The following DNAJB13 variants were observed in gnomAD, a reference collection of about 807,000 sequenced individuals.
The protein encoded by DNAJB13 is DnaJ heat shock protein family (Hsp40) member B13.
In DNAJB13, 22 loss-of-function variants were observed where a neutral mutation model predicts 35.6. The ratio of observed to expected loss-of-function variants is 0.62; its 90% CI spans 0.44 to 0.88. The LOEUF (loss-of-function observed/expected upper bound fraction) is 0.88, where lower values mean the gene tolerates loss of function less well. Among genes scored for constraint, DNAJB13 ranks in the 40% least tolerant of loss-of-function variants. The pLI is 0.00. For missense variants in DNAJB13, 370 were observed against 384.3 expected, an observed-to-expected ratio of 0.96 and a Z score of 0.31; for synonymous variants, 136 against 144.2, an observed-to-expected ratio of 0.94 and a Z score of 0.41.
Position 73,970,274 on chromosome 11 carries a change from G to C in DNAJB13, c.*160G>C. ...CTGACATAATAAAGATCTATTTCCT[G>C]TCCTCCAGCTACACCCACGAGAGTA... On this transcript the variant is annotated 3_prime_UTR_variant, in exon 8 of 8. Coordinates refer to ENST00000339764, the MANE Select transcript of DNAJB13 (RefSeq NM_153614.4). The C allele has an allele frequency of 1.1e-6, 1 of 898,584 alleles. No individual in the cohort carries two copies. The highest frequency in any genetic ancestry group is 1.6e-6 in the Non-Finnish European group (1 of 637,702). 55.7% of individuals were successfully genotyped at this position (898,584 alleles called of 1,614,324 possible).
intron 3 of DNAJB13, among the ~76,000 whole-genome samples, chr11:73,961,553 C>T (rs1950932650): frequency 6.6e-6 from 1 of 152,222 alleles, no homozygotes. Context: ...GCAGAAAAAC[C>T]TAGTGTCTCC....
At chr11:73,959,470 C>T (rs1565171501) in intron 2 of DNAJB13, 24 bp from the exon 3 acceptor site, 2 of 1,610,586 alleles carry the variant, frequency 1.2e-6, no homozygotes. Flanking sequence ...TTGGACACCT[C>T]CTTAAGGTGA....
intron 5 of DNAJB13, 111 bp downstream of exon 5, chr11:73,966,362 T>G (rs2135338999): frequency 9.9e-7 from 1 of 1,012,618 alleles, no homozygotes; most frequent in African/African-American, 1.6e-5. Context: ...CTGTGAGCCT[T>G]GGTCTGTAGA....
At chr11:73,967,718 C>A (rs1410880470) in intron 5 of DNAJB13, among the ~76,000 whole-genome samples, 1 of 152,202 alleles carries the variant, frequency 6.6e-6, no homozygotes, top group African/African-American at 2.4e-5. Flanking sequence ...GCACTTCAGC[C>A]TGGGCAACAG....
intron 3 of DNAJB13, 68 bp from the exon 4 acceptor site, chr11:73,964,810 T>TGTGTGTGC (rs1554992063): frequency 3.7e-5 from 26 of 705,596 alleles, no homozygotes; most frequent in Middle Eastern, 4.3e-4. Context: ...TGTGTGTGTG[T>TGTGTGTGC]GTGCGCGCGC....
chr11:73,963,867 G>A (rs1239570776), intron 3 of DNAJB13: 3 of 152,068 alleles, frequency 2.0e-5, no homozygotes, highest in Non-Finnish European at 2.9e-5. Flanking sequence ...GCTTATGAGG[G>A]GCTTCCACAT....
At chr11:73,960,621 C>A (rs1021961871) in intron 3 of DNAJB13, among the ~76,000 whole-genome samples, 40 of 152,346 alleles carry the variant, frequency 2.6e-4, no homozygotes, top group African/African-American at 9.1e-4. Context: ...CGTGTCTGGC[C>A]GAGCCCTCCA....
chr11:73,964,974 T>C lies in DNAJB13; in HGVS notation c.431T>C (p.Leu144Pro). The stretch of plus-strand genomic sequence containing the variant: ...CAGGACCCCCAAGTCGAACGGGATC[T>C]CTACCTGTCCCTGGAGGACTTATTC... ...KKQDPQVERD[L>P]YLSLEDLFFG... The change falls in exon 4 of 8, where the codon CTC (leucine) becomes CCC (proline). Residue 144 changes from leucine (L) to proline (P), a missense_variant. Transcript: ENST00000339764. The C allele has an allele frequency of 6.2e-7, 1 of 1,612,792 alleles. No individual in the cohort carries two copies. Among genetic ancestry groups the C allele is most frequent in the South Asian group, 1.1e-5 (1 of 90,888 alleles).
In DNAJB13 at chr11:73,953,992, TAATAATAA is replaced by T. The variant is rs1486855066; in HGVS notation, c.68+2864_68+2871del. ...ACAGAGCGAGACTCTGTCTCAAAAA[TAATAATAA>T]AATAATAATAATAATAATAATAATA... On this transcript the variant is annotated intron_variant, in intron 1 of 7. Coordinates refer to ENST00000339764, the MANE Select transcript of DNAJB13 (RefSeq NM_153614.4). Among the ~76,000 whole-genome samples, 669 of 121,994 alleles carry T rather than the reference TAATAATAA, an allele frequency of 5.5e-3. 9 individuals are homozygous for T. Among genetic ancestry groups the T allele is most frequent in the African/African-American group, 0.021 (625 of 29,920 alleles). 80.0% of individuals were successfully genotyped at this position (121,994 alleles called of 152,430 possible).
At chr11:73,952,600 G>A (rs1950614365) in intron 1 of DNAJB13, among the ~76,000 whole-genome samples, 1 of 152,168 alleles carries the variant, frequency 6.6e-6, no homozygotes, top group Non-Finnish European at 1.5e-5. Flanking sequence ...AAGGATCTGA[G>A]AACAATTCAG....
At position 73,970,275 on chromosome 11, in the gene DNAJB13, T is replaced by G; in HGVS notation, c.*161T>G. 1.1e-6 allele frequency: 1 copy of G among 885,394 alleles called. No individual in the cohort carries two copies. The highest frequency in any genetic ancestry group is 1.6e-6 in the Non-Finnish European group (1 of 626,728). 54.8% of individuals were successfully genotyped at this position (885,394 alleles called of 1,614,324 possible). A position where few individuals can be genotyped will look rare whatever the true frequency, so the allele number is the denominator to read the frequency against. On this transcript the variant is annotated 3_prime_UTR_variant, in exon 8 of 8. Transcript: ENST00000339764. Reference sequence around the variant, plus strand: ...TGACATAATAAAGATCTATTTCCTGTCCTCCAGCTACACCCACGAGAGTAC... The same window carrying G: ...TGACATAATAAAGATCTATTTCCTGGCCTCCAGCTACACCCACGAGAGTAC...
intron 1 of DNAJB13, among the ~76,000 whole-genome samples, chr11:73,956,261 G>T (rs1010024480): frequency 6.6e-6 from 1 of 152,182 alleles, no homozygotes; most frequent in Non-Finnish European, 1.5e-5. Flanking sequence ...ATCAGGGAAG[G>T]TGCCCTGGAG....
At chr11:73,966,325 G>T in intron 5 of DNAJB13, 74 bp downstream of exon 5, 1 of 1,402,446 alleles carries the variant, frequency 7.1e-7, no homozygotes, top group Non-Finnish European at 9.9e-7. Flanking sequence ...GAAAGGAAGG[G>T]AAAGGAGGCA....
At chr11:73,956,035 G>C (rs1373980410) in intron 1 of DNAJB13, among the ~76,000 whole-genome samples, 1 of 152,184 alleles carries the variant, frequency 6.6e-6, no homozygotes, top group African/African-American at 2.4e-5. Flanking sequence ...ACAGTGAGAT[G>C]GACTGTCCTG....
intron 3 of DNAJB13, chr11:73,964,515 C>T (rs991306887): frequency 2.2e-5 from 6 of 270,956 alleles, no homozygotes; most frequent in African/African-American, 7.0e-5. Context: ...AGAGGGAGTG[C>T]CTCCCTTTCC....
In DNAJB13 at chr11:73,970,009, G is replaced by A. The variant is rs1951235864; in HGVS notation, c.846G>A (p.Glu282=). The change falls in exon 8 of 8, where the codon GAG becomes GAA. Residue 282 remains glutamate, a synonymous_variant. Coordinates refer to ENST00000339764, the MANE Select transcript of DNAJB13 (RefSeq NM_153614.4). ...CAGGGGAGGGGATGCCATTGCCGGA[G>A]GACCCCACTAAGAAAGGGGATCTCT... ...KVPGEGMPLP[E]DPTKKGDLFI... is the part of the protein sequence containing the mutation. 1.2e-6 allele frequency: 2 copies of A among 1,611,588 alleles called. No individual in the cohort carries two copies. Among genetic ancestry groups the A allele is most frequent in the East Asian group, 4.5e-5 (2 of 44,838 alleles).
chr11:73,964,953 A>AC lies in DNAJB13; in HGVS notation c.415dup (p.Gln139ProfsTer22), dbSNP rs756530654. 1.2e-6 allele frequency: 2 copies of AC among 1,612,784 alleles called. No homozygotes were observed. Among genetic ancestry groups the AC allele is most frequent in the South Asian group, 2.2e-5 (2 of 90,906 alleles). On this transcript the variant is annotated frameshift_variant, in exon 4 of 8. Transcript: ENST00000339764. LOFTEE classifies it high-confidence loss of function. Reference sequence around the variant, plus strand: ...CAGGGCCGAGGGGTCAAGAAGCAGGACCCCCAAGTCGAACGGGATCTCTAC... The same window carrying AC: ...CAGGGCCGAGGGGTCAAGAAGCAGGACCCCCCAAGTCGAACGGGATCTCTAC...
rs199638499 is a variant in DNAJB13, at chr11:73,959,676, A to G, written c.334+21A>G. On this transcript the variant is annotated intron_variant, in intron 3 of 7. Coordinates refer to ENST00000339764, the MANE Select transcript of DNAJB13 (RefSeq NM_153614.4). ...CAGTGGTAAGAGGTCTTCCTCCCCC[A>G]CCTTGCCTTATAGAGAAAGGACACT... 49 of 1,607,700 alleles carry G rather than the reference A, an allele frequency of 3.0e-5. No individual in the cohort carries two copies. In the East Asian group the frequency reaches 1.1e-3, roughly 36 times the overall value.
Position 73,969,977 on chromosome 11 carries a change from A to G in DNAJB13, c.814A>G (p.Lys272Glu), listed in dbSNP as rs1163682477. 3 of 1,610,286 alleles carry G rather than the reference A, an allele frequency of 1.9e-6. No homozygotes were observed. Among genetic ancestry groups the G allele is most frequent in the South Asian group, 2.2e-5 (2 of 90,054 alleles). ...CTATTTCAGCCCCAAATACTTCAAG[A>G]AGGTGCCAGGGGAGGGGATGCCATT... is the stretch of plus-strand genomic sequence containing the variant. ...NDIIHPKYFK[K>E]VPGEGMPLPE... is the part of the protein sequence containing the mutation. The change falls in exon 8 of 8, where the codon AAG becomes GAG. Residue 272 changes from lysine (K) to glutamate (E), a missense_variant. Physicochemically the swap from Lys to Glu is moderately conservative, Grantham distance 56. Coordinates refer to ENST00000339764, the MANE Select transcript of DNAJB13 (RefSeq NM_153614.4).
Sources: allele counts gnomAD v4.1 joint callset (sites outside exome capture counted in the v4.1 genomes callset), GRCh38; gene constraint gnomAD v4.1.1; transcripts MANE v1.5; gene names NCBI Gene and HGNC (gene_info 2026-07-23, HGNC 2026-07-21).